Variants in GALNT13 observed in about 807,000 individuals in gnomAD.
GALNT13 encodes the protein UDP-GalNAc:polypeptide N-acetylgalactosaminyltransferase 13.
In GALNT13, 28 loss-of-function variants were observed where a neutral mutation model predicts 64.2. The ratio of observed to expected loss-of-function variants is 0.44; its 90% CI spans 0.32 to 0.60. The LOEUF is 0.60. Among genes scored for constraint, GALNT13 ranks in the 20% least tolerant of loss-of-function variants. The pLI, the probability that GALNT13 is intolerant of heterozygous loss-of-function variation, is 0.05. For synonymous variants in GALNT13, 214 were observed against 224.6 expected (o/e 0.95, Z 0.42); for missense variants, 577 against 669.8 (o/e 0.86, Z 1.53).
the GALNT13 span, among the ~76,000 whole-genome samples, chr2:153,612,384 T>C: frequency 1.3e-5 from 2 of 152,138 alleles, no homozygotes; most frequent in Non-Finnish European, 1.5e-5. Flanking sequence ...TATAGACACA[T>C]GCACACGTAG....
the GALNT13 span, among the ~76,000 whole-genome samples, chr2:153,807,268 C>T: frequency 6.6e-6 from 1 of 151,422 alleles, no homozygotes; most frequent in African/African-American, 2.4e-5. Flanking sequence ...TGTACATATG[C>T]AATAATGTAT....
chr2:154,345,522 G>T (rs537261788), intron 9 of GALNT13, among the ~76,000 whole-genome samples: 103 of 152,122 alleles, frequency 6.8e-4, no homozygotes, highest in African/African-American at 2.5e-3. Context: ...ATTGATTAAA[G>T]AACTGAGTTT....
At chr2:153,745,466 G>T in the GALNT13 span, among the ~76,000 whole-genome samples, 1 of 152,094 alleles carries the variant, frequency 6.6e-6, no homozygotes, top group Admixed American at 6.6e-5. Flanking sequence ...TGAATGCAGA[G>T]AAATGTGTTA....
chr2:153,891,905 C>T (rs1412365209), intron 1 of GALNT13, among the ~76,000 whole-genome samples: 1 of 151,984 alleles, frequency 6.6e-6, no homozygotes, highest in African/African-American at 2.4e-5. Flanking sequence ...AATTGATTCT[C>T]TGTTACCTGG....
At chr2:153,328,115 G>A in the GALNT13 span, among the ~76,000 whole-genome samples, 1 of 152,092 alleles carries the variant, frequency 6.6e-6, no homozygotes, top group African/African-American at 2.4e-5. Flanking sequence ...CTGTTTGCCT[G>A]GGTATCACCA....
chr2:153,486,563 A>C, the GALNT13 span, among the ~76,000 whole-genome samples: 1 of 152,180 alleles, frequency 6.6e-6, no homozygotes, highest in Admixed American at 6.5e-5. Flanking sequence ...CATGCCAGGC[A>C]TGTGAAATAA....
the GALNT13 span, among the ~76,000 whole-genome samples, chr2:153,301,207 G>C: frequency 6.7e-6 from 1 of 148,716 alleles, no homozygotes; most frequent in African/African-American, 2.5e-5. Flanking sequence ...CTGCACGAGA[G>C]GCTGGGGCAC....
intron 9 of GALNT13, among the ~76,000 whole-genome samples, chr2:154,329,607 G>T (rs1411533745): frequency 6.6e-6 from 1 of 152,088 alleles, no homozygotes; most frequent in Non-Finnish European, 1.5e-5. Flanking sequence ...AGCAGCTATA[G>T]TTGGGATGTT....
chr2:153,695,393 G>A, the GALNT13 span, among the ~76,000 whole-genome samples: 1 of 152,168 alleles, frequency 6.6e-6, no homozygotes, highest in Non-Finnish European at 1.5e-5. Context: ...CTTTCTAAAT[G>A]TAAGTCTTTC....
chr2:153,629,867 C>T, the GALNT13 span, among the ~76,000 whole-genome samples: 1 of 147,926 alleles, frequency 6.8e-6, no homozygotes, highest in Non-Finnish European at 1.5e-5. Context: ...CAAAAAAAGA[C>T]ATTTATGCAG....
At chr2:153,112,623 G>A in the GALNT13 span, among the ~76,000 whole-genome samples, 1 of 152,072 alleles carries the variant, frequency 6.6e-6, no homozygotes, top group Non-Finnish European at 1.5e-5. Flanking sequence ...CTAATGTTTT[G>A]TTAGAGAATA....
chr2:153,086,064 C>T, the GALNT13 span, among the ~76,000 whole-genome samples: 7 of 152,148 alleles, frequency 4.6e-5, no homozygotes, highest in African/African-American at 1.7e-4. Context: ...GGATTTTGGA[C>T]TTTCATGGGG....
chr2:153,226,074 C>G, the GALNT13 span, among the ~76,000 whole-genome samples: 1 of 152,034 alleles, frequency 6.6e-6, no homozygotes, highest in African/African-American at 2.4e-5. Flanking sequence ...GTAGCTGGGA[C>G]TACAGGCACG....
chr2:154,002,239 A>C (rs1695959737), intron 3 of GALNT13, among the ~76,000 whole-genome samples: 1 of 151,996 alleles, frequency 6.6e-6, no homozygotes, highest in Non-Finnish European at 1.5e-5. Context: ...TTCAGCCATT[A>C]TTGTCTTAAA....
At chr2:153,821,951 T>TCAA in the GALNT13 span, among the ~76,000 whole-genome samples, 2 of 152,238 alleles carry the variant, frequency 1.3e-5, no homozygotes, top group African/African-American at 4.8e-5. Context: ...GCTAAGGAAC[T>TCAA]CAACTCTGTT....
the GALNT13 span, among the ~76,000 whole-genome samples, chr2:153,721,567 T>A: frequency 1.3e-5 from 2 of 149,012 alleles, no homozygotes; most frequent in East Asian, 2.0e-4. Flanking sequence ...AGGAAACCCA[T>A]CTCACGTGCA....
chr2:153,248,815 C>CAAAAAAAAAAA, the GALNT13 span, among the ~76,000 whole-genome samples: 2 of 127,434 alleles, frequency 1.6e-5, no homozygotes, highest in Non-Finnish European at 3.3e-5. Context: ...GACTCTGTCT[C>CAAAAAAAAAAA]GAAAAAAAAA....
chr2:153,621,045 G>A, the GALNT13 span, among the ~76,000 whole-genome samples: 2 of 152,036 alleles, frequency 1.3e-5, no homozygotes, highest in Non-Finnish European at 2.9e-5. Flanking sequence ...GACAAGATCC[G>A]AGAGAATTCT....
intron 8 of GALNT13, among the ~76,000 whole-genome samples, chr2:154,295,227 A>G (rs78791850): frequency 0.019 from 2,924 of 152,140 alleles, 69 homozygotes; most frequent in African/African-American, 0.059. Flanking sequence ...ATTTAAAATG[A>G]CTTTTTTCCC....
Sources: allele counts gnomAD v4.1 joint callset (sites outside exome capture counted in the v4.1 genomes callset), GRCh38; gene constraint gnomAD v4.1.1; transcripts MANE v1.5; gene names NCBI Gene and HGNC (gene_info 2026-07-23, HGNC 2026-07-21).